The following MECOM variants were observed in gnomAD, a reference collection of about 807,000 sequenced individuals.
The protein encoded by MECOM is histone-lysine N-methyltransferase MECOM.
MECOM carries 13 observed loss-of-function variants against 116.3 expected under a neutral mutation model. The ratio of observed to expected loss-of-function variants is 0.11; its 90% CI spans 0.07 to 0.18. MECOM has a LOEUF of 0.18. Among genes scored for constraint, MECOM ranks in the 10% least tolerant of loss-of-function variants. The pLI is 1.00. For synonymous variants in MECOM, 528 were observed against 535.2 expected, an observed-to-expected ratio of 0.99 and a Z score of 0.19; for missense variants, 1,299 against 1,509.0, an observed-to-expected ratio of 0.86 and a Z score of 2.31.
intron 2 of MECOM, among the ~76,000 whole-genome samples, chr3:169,284,453 T>C (rs573749010): frequency 5.3e-5 from 8 of 152,118 alleles, no homozygotes; most frequent in African/African-American, 1.9e-4. Flanking sequence ...GGAGAAGGAT[T>C]TTTCCCAGGA....
At chr3:169,144,283 A>C (rs1040256860) in intron 2 of MECOM, among the ~76,000 whole-genome samples, 7 of 152,002 alleles carry the variant, frequency 4.6e-5, no homozygotes, top group East Asian at 1.9e-4. Flanking sequence ...CATGGTTAGC[A>C]TCTCATTACC....
chr3:169,535,129 C>T (rs539417919), intron 1 of MECOM, among the ~76,000 whole-genome samples: 8 of 152,244 alleles, frequency 5.3e-5, no homozygotes, highest in African/African-American at 1.7e-4. Flanking sequence ...CTATCTAAGC[C>T]GCTGCCAGCC....
chr3:169,501,094 T>A (rs927463999), intron 1 of MECOM, among the ~76,000 whole-genome samples: 1 of 152,044 alleles, frequency 6.6e-6, no homozygotes, highest in Admixed American at 6.5e-5. Context: ...AAGGTACCTA[T>A]ACAATCAGGC....
Position 169,238,980 on chromosome 3 carries a change from CATA to C in MECOM, c.376-95151_376-95149del, listed in dbSNP as rs1215533303. 2.0e-5 allele frequency among the ~76,000 whole-genome samples: 3 copies of C among 152,214 alleles called. No individual in the cohort carries two copies. The East Asian group carries it at 5.8e-4, about 29-fold the overall frequency. On this transcript the variant is annotated intron_variant, in intron 2 of 16. Transcript: ENST00000651503. The stretch of plus-strand genomic sequence containing the variant: ...TTACCTGAATGTATCACATCTTCAT[CATA>C]ATGAGAATCGATAATAATAGATTAA...
intron 5 of MECOM, among the ~76,000 whole-genome samples, chr3:169,123,195 T>C (rs1170592186): frequency 6.6e-6 from 1 of 151,324 alleles, no homozygotes; most frequent in Admixed American, 6.6e-5. Context: ...ACACAAACAC[T>C]CAAACAGAAA....
intron 1 of MECOM, among the ~76,000 whole-genome samples, chr3:169,553,941 T>A (rs761753687): frequency 1.7e-4 from 25 of 149,880 alleles, no homozygotes; most frequent in African/African-American, 5.6e-4. Flanking sequence ...CTGAGAGTAC[T>A]GGAGGTTACG....
At chr3:169,308,053 C>A (rs1413006771) in intron 2 of MECOM, among the ~76,000 whole-genome samples, 1 of 152,190 alleles carries the variant, frequency 6.6e-6, no homozygotes, top group African/African-American at 2.4e-5. Flanking sequence ...TTCTCCTGGT[C>A]CCCTCCCTCA....
chr3:169,307,401 G>A (rs1717920912), intron 2 of MECOM, among the ~76,000 whole-genome samples: 1 of 152,090 alleles, frequency 6.6e-6, no homozygotes, highest in Non-Finnish European at 1.5e-5. Context: ...GAACAATAAG[G>A]TGAGACTCTG....
At chr3:169,103,348 G>T (rs1379531721) in intron 10 of MECOM, among the ~76,000 whole-genome samples, 2 of 151,800 alleles carry the variant, frequency 1.3e-5, no homozygotes, top group African/African-American at 4.8e-5. Flanking sequence ...GTTTCCTCAG[G>T]GCTCACATTT....
At chr3:169,592,548 C>A (rs1206231694) in intron 1 of MECOM, among the ~76,000 whole-genome samples, 1 of 152,188 alleles carries the variant, frequency 6.6e-6, no homozygotes, top group African/African-American at 2.4e-5. Context: ...AATCCTTGCC[C>A]AATGCCCAGT....
At chr3:169,454,232 A>G (rs558304595) in intron 1 of MECOM, among the ~76,000 whole-genome samples, 1 of 152,210 alleles carries the variant, frequency 6.6e-6, no homozygotes, top group African/African-American at 2.4e-5. Context: ...AAATTGTTCA[A>G]CAAATAACCT....
intron 2 of MECOM, among the ~76,000 whole-genome samples, chr3:169,235,978 A>AT (rs141667512): frequency 4.0e-5 from 6 of 151,430 alleles, no homozygotes; most frequent in Non-Finnish European, 8.8e-5. Flanking sequence ...TAGAAACTGG[A>AT]TTTTTTTGAA....
At chr3:169,228,776 G>C (rs545314153) in intron 2 of MECOM, among the ~76,000 whole-genome samples, 4 of 152,302 alleles carry the variant, frequency 2.6e-5, no homozygotes, top group Non-Finnish European at 5.9e-5. Context: ...TTATTGCCAA[G>C]TTGGACAGCA....
chr3:169,270,138 C>T lies in MECOM; in HGVS notation c.375+111049G>A, dbSNP rs150850182. Among the ~76,000 whole-genome samples, 180 of 152,126 alleles carry T rather than the reference C, an allele frequency of 1.2e-3. 1 individual carries two copies. Among genetic ancestry groups the T allele is most frequent in the African/African-American group, 4.1e-3 (169 of 41,506 alleles). On this transcript the variant is annotated intron_variant, in intron 2 of 16. Coordinates refer to ENST00000651503, the MANE Select transcript of MECOM (RefSeq NM_004991.4). ...ATAGTAGTTATAAACTCACTGATCC[C>T]GGTAAGAAAGGGACAGTGTTCTGGC...
At chr3:169,438,264 TA>T (rs1236926233) in intron 1 of MECOM, among the ~76,000 whole-genome samples, 5 of 152,064 alleles carry the variant, frequency 3.3e-5, no homozygotes. Context: ...GTTTTTTTTT[TA>T]AAGATTATTC....
At chr3:169,190,181 A>C (rs573551001) in intron 2 of MECOM, among the ~76,000 whole-genome samples, 1 of 152,226 alleles carries the variant, frequency 6.6e-6, no homozygotes, top group South Asian at 2.1e-4. Context: ...CTAGGCAAGG[A>C]AAGAAAGGTA....
intron 2 of MECOM, among the ~76,000 whole-genome samples, chr3:169,197,444 TC>T (rs1199175190): frequency 6.6e-6 from 1 of 152,042 alleles, no homozygotes; most frequent in Non-Finnish European, 1.5e-5. Context: ...TGGTGTCTGC[TC>T]ATCCATATAC....
chr3:169,160,605 CAATAT>C (rs1742697408), intron 2 of MECOM, among the ~76,000 whole-genome samples: 1 of 147,164 alleles, frequency 6.8e-6, no homozygotes, highest in Non-Finnish European at 1.5e-5. Context: ...TATTATTGTA[CAATAT>C]ATTATTGTAC....
chr3:169,645,008 G>T (rs2110053529), intron 1 of MECOM, among the ~76,000 whole-genome samples: 1 of 152,162 alleles, frequency 6.6e-6, no homozygotes. Context: ...TCTCAACAGG[G>T]GCTGTTTCTG....
Sources: gnomAD v4.1 joint callset for allele counts (sites outside exome capture counted in the v4.1 genomes callset) on GRCh38, gnomAD v4.1.1 for gene constraint, MANE v1.5 for transcripts, NCBI Gene and HGNC (gene_info 2026-07-23, HGNC 2026-07-21) for gene names.